Variants in GASK1A observed in about 807,000 individuals in gnomAD.
GASK1A encodes golgi associated kinase 1A.
In GASK1A, 40 loss-of-function variants were observed where a neutral mutation model predicts 41.2. That is an observed-to-expected ratio of 0.97 (90% CI 0.75 to 1.27). GASK1A has a LOEUF of 1.27. Ranked by LOEUF, GASK1A falls within the 50% of genes most tolerant of loss-of-function variation. The pLI is 0.00. For synonymous variants in GASK1A, 316 were observed against 307.1 expected (o/e 1.03, Z -0.30); for missense variants, 678 against 745.1 (o/e 0.91, Z 1.05).
intron 1 of GASK1A, among the ~76,000 whole-genome samples, chr3:42,993,000 A>G (rs1433422217): frequency 6.6e-6 from 1 of 152,240 alleles, no homozygotes; most frequent in Non-Finnish European, 1.5e-5. Flanking sequence ...TGGTTGAAGT[A>G]TGGCCGCTGG....
intron 1 of GASK1A, among the ~76,000 whole-genome samples, chr3:43,009,621 G>GATACCATT (rs2089453630): frequency 1.3e-5 from 2 of 152,278 alleles, no homozygotes; most frequent in Admixed American, 1.3e-4. Context: ...GCCATAAAAT[G>GATACCATT]GTATGATATT....
At position 43,056,818 on chromosome 3, in the gene GASK1A, G is replaced by A. The variant is rs1292154249; in HGVS notation, c.*432G>A. 1 of 153,906 alleles carries A rather than the reference G, an allele frequency of 6.5e-6. No homozygotes were observed. The highest frequency in any genetic ancestry group is 1.4e-5 in the Non-Finnish European group (1 of 69,272). The allele number at this position is 153,906 out of a possible 1,614,324, so 9.5% of individuals were successfully genotyped here. On this transcript the variant is annotated 3_prime_UTR_variant, in exon 5 of 5. Transcript: ENST00000430121. ...CTTGCAGCCTGGAGTTGCTCTGGCT[G>A]AAAGTAGACTCAGGCTTAAGAAATG...
At chr3:43,010,129 G>T (rs1307496889) in intron 1 of GASK1A, among the ~76,000 whole-genome samples, 1 of 152,168 alleles carries the variant, frequency 6.6e-6, no homozygotes, top group Non-Finnish European at 1.5e-5. Flanking sequence ...TCCAAAGTAC[G>T]TGCCTAACAT....
rs1406350138 is a variant in GASK1A, at chr3:43,032,335, C to G, written c.72C>G (p.Ile24Met). 1.6e-5 allele frequency: 25 copies of G among 1,550,996 alleles called. No individual in the cohort carries two copies. In the Admixed American group the frequency reaches 4.9e-4, roughly 30 times the overall value. ...RPVIAFCLLMILSAMAVTRFP... is the reference protein window; with the variant it reads ...RPVIAFCLLMMLSAMAVTRFP... ...TGATAGCGTTCTGCCTCTTGATGAT[C>G]CTATCTGCGATGGCTGTCACCCGCT... The change falls in exon 2 of 5, where the codon ATC becomes ATG. Residue 24 changes from isoleucine to methionine, a missense_variant. Ile to Met is a conservative substitution (Grantham distance 10). Transcript: ENST00000430121.
chr3:43,053,851 G>A (rs936516401), intron 3 of GASK1A: 13 of 699,194 alleles, frequency 1.9e-5, no homozygotes, highest in Non-Finnish European at 3.1e-5. Context: ...ATGTGCCTGA[G>A]GAGGGGTGTG....
chr3:43,007,856 G>T (rs1001634561), intron 1 of GASK1A, among the ~76,000 whole-genome samples: 1 of 152,182 alleles, frequency 6.6e-6, no homozygotes, highest in African/African-American at 2.4e-5. Flanking sequence ...CCTCACCTAG[G>T]TGACCTGATA....
At chr3:42,983,551 A>C in intron 1 of GASK1A, among the ~76,000 whole-genome samples, 1 of 152,142 alleles carries the variant, frequency 6.6e-6, no homozygotes, top group East Asian at 1.9e-4. Context: ...AATGCTGCTG[A>C]CTGGATGAGA....
chr3:43,055,080 G>A (rs558651012), intron 3 of GASK1A, among the ~76,000 whole-genome samples: 1 of 152,354 alleles, frequency 6.6e-6, no homozygotes, highest in South Asian at 2.1e-4. Context: ...AGCAGATGGT[G>A]CTATGGCTTA....
At chr3:43,033,676 C>G in intron 2 of GASK1A, 123 bp downstream of exon 2, 1 of 859,218 alleles carries the variant, frequency 1.2e-6, no homozygotes, top group African/African-American at 1.7e-5. Context: ...TTTTTGACCA[C>G]CAAGCACCTG....
chr3:42,987,201 GC>G (rs1301446286), intron 1 of GASK1A, among the ~76,000 whole-genome samples: 5 of 152,244 alleles, frequency 3.3e-5, no homozygotes, highest in African/African-American at 9.6e-5. Flanking sequence ...TGCAAGTCCT[GC>G]CCCTGTACCC....
At chr3:43,020,379 A>G (rs1334067127) in intron 1 of GASK1A, among the ~76,000 whole-genome samples, 1 of 152,210 alleles carries the variant, frequency 6.6e-6, no homozygotes, top group African/African-American at 2.4e-5. Flanking sequence ...GGCTCCCTCC[A>G]TACCATCTTA....
chr3:43,035,696 T>A (rs79935749), intron 2 of GASK1A, among the ~76,000 whole-genome samples: 3,258 of 152,316 alleles, frequency 0.021, 67 homozygotes, highest in East Asian at 0.057. Context: ...GGATGCAAGG[T>A]CATTCATGTA....
At chr3:42,986,592 G>A (rs917747357) in intron 1 of GASK1A, among the ~76,000 whole-genome samples, 1 of 151,072 alleles carries the variant, frequency 6.6e-6, no homozygotes, top group Non-Finnish European at 1.5e-5. Flanking sequence ...GAGCTGGGCT[G>A]GGACCACAGG....
intron 1 of GASK1A, among the ~76,000 whole-genome samples, chr3:43,020,235 C>T (rs144599244): frequency 6.6e-6 from 1 of 152,332 alleles, no homozygotes; most frequent in East Asian, 1.9e-4. Context: ...CTGCCTATTA[C>T]AGTACGAACT....
In GASK1A at chr3:43,056,762, C is replaced by A. The variant is rs75588702; in HGVS notation, c.*376C>A. 6.9e-3 allele frequency: 1,111 copies of A among 161,996 alleles called. 17 individuals carry two copies. Among genetic ancestry groups the A allele is most frequent in the African/African-American group, 0.025 (1,039 of 42,072 alleles). The allele number at this position is 161,996 out of a possible 1,614,324, so 10.0% of individuals were successfully genotyped here. On this transcript the variant is annotated 3_prime_UTR_variant, in exon 5 of 5. Coordinates refer to ENST00000430121, the MANE Select transcript of GASK1A (RefSeq NM_001129908.3). The stretch of plus-strand genomic sequence containing the variant: ...CCTGCATGCAATACCTGAGACCAAC[C>A]TAATAAAGGTACAATCTTCATAGAA...
Position 43,056,304 on chromosome 3 carries a change from A to ACCTG in GASK1A, c.1646_1647insCCTG (p.Gln549HisfsTer35), listed in dbSNP as rs2089715950. 1.3e-6 allele frequency: 2 copies of ACCTG among 1,551,588 alleles called. No individual in the cohort carries two copies. Among genetic ancestry groups the ACCTG allele is most frequent in the African/African-American group, 2.7e-5 (2 of 73,066 alleles). On this transcript the variant is annotated frameshift_variant, in exon 5 of 5. Coordinates refer to ENST00000430121, the MANE Select transcript of GASK1A (RefSeq NM_001129908.3). LOFTEE classifies it high-confidence loss of function. ...GCCCAGGGGCTGAAGCAGGTCCTCC[A>ACCTG]GACCCTGGAGCAGCGAGGACAGGTG...
In GASK1A at chr3:43,032,788, A is replaced by G. The variant is rs955510262; in HGVS notation, c.525A>G (p.Pro175=). 2.6e-6 allele frequency: 4 copies of G among 1,550,906 alleles called. No homozygotes were observed. In the Admixed American group the frequency reaches 7.8e-5, roughly 30 times the overall value. ...TGGTCACCCTGGTCAGTCCACTCCCAGGGAGTGACATGGCAGCTTTACCGG... is the reference window on the plus strand; with the variant it reads ...TGGTCACCCTGGTCAGTCCACTCCCGGGGAGTGACATGGCAGCTTTACCGG... ...SEVVTLVSPL[P]GSDMAALPAW... is the part of the protein sequence containing the mutation. Residue 175 remains proline (P), a synonymous_variant, in exon 2 of 5, where the codon CCA becomes CCG. Coordinates refer to ENST00000430121, the MANE Select transcript of GASK1A (RefSeq NM_001129908.3).
At chr3:43,042,642 T>C (rs2089643508) in intron 2 of GASK1A, among the ~76,000 whole-genome samples, 1 of 152,236 alleles carries the variant, frequency 6.6e-6, no homozygotes, top group African/African-American at 2.4e-5. Context: ...TCTTCTTAGC[T>C]TTCTTGCCCA....
chr3:42,979,830 C>A (rs2089272555), intron 1 of GASK1A, among the ~76,000 whole-genome samples, 185 bp downstream of exon 1: 1 of 152,226 alleles, frequency 6.6e-6, no homozygotes, highest in East Asian at 1.9e-4. Context: ...TGGGGGCGAT[C>A]GGCTTTCCTG....
Sources: gnomAD v4.1 joint callset for allele counts (sites outside exome capture counted in the v4.1 genomes callset) on GRCh38, gnomAD v4.1.1 for gene constraint, MANE v1.5 for transcripts, NCBI Gene and HGNC (gene_info 2026-07-23, HGNC 2026-07-21) for gene names.